Variants in CDH20 observed in about 807,000 individuals in gnomAD.
CDH20 encodes the protein cadherin-20.
A neutral mutation model predicts 74.2 loss-of-function variants in CDH20; 29 were observed. That is an observed-to-expected ratio of 0.39 (90% CI 0.29 to 0.53). The LOEUF is 0.53. Among genes scored for constraint, CDH20 ranks in the 20% least tolerant of loss-of-function variants. CDH20 has a pLI of 0.69. For synonymous variants in CDH20, 469 were observed against 405.4 expected (o/e 1.16, Z -1.88); for missense variants, 988 against 1,048.3 (o/e 0.94, Z 0.79).
rs560272004 is a variant in CDH20, at chr18:61,367,555, A to G, written c.-153+33728A>G. ...AGAATCTGTTTCCTTGACTTTCCCA[A>G]TCTCTAGATGCTGCTGGTATTCCTT... On this transcript the variant is annotated intron_variant, in intron 1 of 11. Transcript: ENST00000262717. Among the ~76,000 whole-genome samples, 64 of 152,102 alleles carry G rather than the reference A, an allele frequency of 4.2e-4. 2 individuals are homozygous for G. In the South Asian group the frequency reaches 0.013, roughly 32 times the overall value.
At chr18:61,507,867 A>G (rs1486621983) in intron 6 of CDH20, among the ~76,000 whole-genome samples, 2 of 152,164 alleles carry the variant, frequency 1.3e-5, no homozygotes, top group Non-Finnish European at 2.9e-5. Flanking sequence ...CTTTCTAATG[A>G]TGTTAATGAC....
At chr18:61,428,526 T>C (rs970855003) in intron 1 of CDH20, among the ~76,000 whole-genome samples, 6 of 152,294 alleles carry the variant, frequency 3.9e-5, no homozygotes, top group Admixed American at 2.6e-4. Context: ...GTCTTGCTGT[T>C]GGGTCAAGAG....
At chr18:61,392,403 T>C (rs2144206443) in intron 1 of CDH20, among the ~76,000 whole-genome samples, 2 of 152,284 alleles carry the variant, frequency 1.3e-5, no homozygotes. Context: ...AAGCTGTGGA[T>C]ACAGGCTGGC....
At chr18:61,358,415 C>T (rs1285280762) in intron 1 of CDH20, among the ~76,000 whole-genome samples, 1 of 152,130 alleles carries the variant, frequency 6.6e-6, no homozygotes, top group Non-Finnish European at 1.5e-5. Flanking sequence ...CCACAGCACC[C>T]AGGCTGTTCC....
Position 61,347,274 on chromosome 18 carries a change from C to A in CDH20, c.-153+13447C>A, listed in dbSNP as rs752257935. Among the ~76,000 whole-genome samples, 53 of 131,796 alleles carry A rather than the reference C, an allele frequency of 4.0e-4. 1 individual carries two copies. The highest frequency in any genetic ancestry group is 7.1e-4 in the Non-Finnish European group (46 of 64,442). 86.5% of individuals were successfully genotyped at this position (131,796 alleles called of 152,430 possible). A position where few individuals can be genotyped will look rare whatever the true frequency, so the allele number is the denominator to read the frequency against. On this transcript the variant is annotated intron_variant, in intron 1 of 11. Coordinates refer to ENST00000262717, the MANE Select transcript of CDH20 (RefSeq NM_031891.4). Reference sequence around the variant, plus strand: ...GACCAGCCTGGCCAACATGGTGAAACCTTGTCTCTGCTAATATATATATAT... The same window carrying A: ...GACCAGCCTGGCCAACATGGTGAAAACTTGTCTCTGCTAATATATATATAT...
intron 1 of CDH20, among the ~76,000 whole-genome samples, chr18:61,466,103 T>C (rs536081972): frequency 6.7e-6 from 1 of 150,356 alleles, no homozygotes; most frequent in East Asian, 1.9e-4. Context: ...TATATATATA[T>C]AGCTATTTAT....
Position 61,507,550 on chromosome 18 carries a change from C to T in CDH20, c.1007C>T (p.Thr336Ile). ...CCCAATTTCCAAGTTGGTATCATAACTGTGAAGAAGGTAATCCAACTCCTT... is the reference window on the plus strand; with the variant it reads ...CCCAATTTCCAAGTTGGTATCATAATTGTGAAGAAGGTAATCCAACTCCTT... Reference protein sequence around the residue: ...TDPNFQVGIITVKKPLSFESK... With the variant: ...TDPNFQVGIIIVKKPLSFESK... The change falls in exon 6 of 12, where the codon ACT becomes ATT. Residue 336 changes from threonine (T) to isoleucine (I), a missense_variant. Transcript: ENST00000262717. 6.2e-7 allele frequency: 1 copy of T among 1,606,692 alleles called. No individual in the cohort carries two copies. The highest frequency in any genetic ancestry group is 8.5e-7 in the Non-Finnish European group (1 of 1,176,582).
chr18:61,334,667 G>A (rs572845296), intron 1 of CDH20, among the ~76,000 whole-genome samples: 27 of 152,168 alleles, frequency 1.8e-4, no homozygotes, highest in African/African-American at 5.8e-4. Context: ...CCGCCTCTGG[G>A]GCAGCAGTGG....
chr18:61,531,022 C>G (rs1413586358), intron 7 of CDH20, among the ~76,000 whole-genome samples: 1 of 152,200 alleles, frequency 6.6e-6, no homozygotes, highest in Non-Finnish European at 1.5e-5. Context: ...GAAAAGAAAA[C>G]CACCTACATA....
At chr18:61,384,105 C>T (rs1568119243) in intron 1 of CDH20, among the ~76,000 whole-genome samples, 1 of 152,184 alleles carries the variant, frequency 6.6e-6, no homozygotes, top group African/African-American at 2.4e-5. Context: ...CGAATTTTTA[C>T]AGATGGGTGA....
chr18:61,507,309 A>C, intron 5 of CDH20, 64 bp from the exon 6 acceptor site: 3 of 1,460,826 alleles, frequency 2.1e-6, no homozygotes, highest in Non-Finnish European at 9.5e-7. Context: ...CTGATATGAT[A>C]ATGATGAGGC....
intron 1 of CDH20, among the ~76,000 whole-genome samples, chr18:61,439,144 T>C (rs1209023325): frequency 6.6e-6 from 1 of 152,042 alleles, no homozygotes; most frequent in East Asian, 1.9e-4. Flanking sequence ...ATCTAACTAT[T>C]GAGTACTAGG....
chr18:61,501,885 C>G (rs1408304185), intron 4 of CDH20, among the ~76,000 whole-genome samples: 2 of 152,048 alleles, frequency 1.3e-5, no homozygotes, highest in Non-Finnish European at 2.9e-5. Flanking sequence ...TTTGACAGCT[C>G]CCGGGGGGCA....
At chr18:61,524,684 G>A (rs988235217) in intron 6 of CDH20, among the ~76,000 whole-genome samples, 31 of 152,204 alleles carry the variant, frequency 2.0e-4, no homozygotes, top group African/African-American at 7.2e-4. Flanking sequence ...GGAGGCCAAG[G>A]CCGAGGTGGG....
rs370156704 is a variant in CDH20 at position 61,515,413 on chromosome 18, C to T, written c.1017+7853C>T. On this transcript the variant is annotated intron_variant, in intron 6 of 11. Coordinates refer to ENST00000262717, the MANE Select transcript of CDH20 (RefSeq NM_031891.4). ...GCGCCCACTGTCTGGCACTCCCTAG[C>T]GAGATGAACCCGGTACCTCAGATGG... Among the ~76,000 whole-genome samples, 7 of 151,904 alleles carry T rather than the reference C, an allele frequency of 4.6e-5. No homozygotes were observed. In the East Asian group the frequency reaches 7.9e-4, roughly 17 times the overall value.
At chr18:61,448,403 T>C (rs1280132981) in intron 1 of CDH20, among the ~76,000 whole-genome samples, 1 of 152,168 alleles carries the variant, frequency 6.6e-6, no homozygotes, top group Non-Finnish European at 1.5e-5. Flanking sequence ...ATCTTGAGTT[T>C]CAAAGCCATT....
At chr18:61,426,586 T>A (rs138233906) in intron 1 of CDH20, among the ~76,000 whole-genome samples, 29 of 152,318 alleles carry the variant, frequency 1.9e-4, no homozygotes, top group African/African-American at 7.0e-4. Context: ...TTCCTTTGCA[T>A]GGGTTCAGAC....
chr18:61,497,180 A>G (rs1911200054), intron 2 of CDH20, among the ~76,000 whole-genome samples: 1 of 152,068 alleles, frequency 6.6e-6, no homozygotes, highest in East Asian at 1.9e-4. Flanking sequence ...CATTCTAAAT[A>G]AAATAAGTAG....
At chr18:61,490,368 ACAT>A in intron 1 of CDH20, 31 bp from the exon 2 acceptor site, 1 of 582,798 alleles carries the variant, frequency 1.7e-6, no homozygotes, top group Non-Finnish European at 3.0e-6. Flanking sequence ...AAAGAATCTG[ACAT>A]CATCACACTG....
Sources: gnomAD v4.1 joint callset for allele counts (sites outside exome capture counted in the v4.1 genomes callset) on GRCh38, gnomAD v4.1.1 for gene constraint, MANE v1.5 for transcripts, NCBI Gene and HGNC (gene_info 2026-07-23, HGNC 2026-07-21) for gene names.